KALRN: variants seen among roughly 807,000 people sequenced by gnomAD.
KALRN encodes the protein kalirin.
In KALRN, 70 loss-of-function variants were observed where a neutral mutation model predicts 353.7. The ratio of observed to expected loss-of-function variants is 0.20; its 90% CI spans 0.16 to 0.24. The LOEUF is 0.24. KALRN is among the 10% of genes least tolerant of loss of function. The pLI is 1.00. For missense variants in KALRN, 2,791 were observed against 3,756.7 expected (o/e 0.74, Z 6.72); for synonymous variants, 1,391 against 1,434.8 (o/e 0.97, Z 0.69).
At chr3:124,419,455 A>T (rs2092679401) in intron 14 of KALRN, among the ~76,000 whole-genome samples, 3 of 151,994 alleles carry the variant, frequency 2.0e-5, no homozygotes, top group Non-Finnish European at 4.4e-5. Context: ...CTCACCATTC[A>T]TAGCATACAG....
At chr3:124,171,288 A>C (rs2150113848) in intron 1 of KALRN, among the ~76,000 whole-genome samples, 1 of 152,278 alleles carries the variant, frequency 6.6e-6, no homozygotes, top group Non-Finnish European at 1.5e-5. Flanking sequence ...TCTTACCTGG[A>C]GTCACTCATG....
rs1423818281 is a variant in KALRN, at chr3:124,446,746, G to A, written c.3430-17G>A. ...AGCTGCCTTTTTGGGGACTGGATGA[G>A]TTGTTTCCTCCCATAGGCGCTTGAC... On this transcript the variant is annotated splice_polypyrimidine_tract_variant and intron_variant, in intron 20 of 59. Coordinates refer to ENST00000682506, the MANE Select transcript of KALRN (RefSeq NM_001388419.1). The A allele has an allele frequency of 6.2e-7, 1 of 1,613,850 alleles. No homozygotes were observed. Among genetic ancestry groups the A allele is most frequent in the East Asian group, 2.2e-5 (1 of 44,880 alleles).
chr3:124,389,989 A>G (rs2089093880), intron 11 of KALRN, among the ~76,000 whole-genome samples: 1 of 152,200 alleles, frequency 6.6e-6, no homozygotes, highest in South Asian at 2.1e-4. Flanking sequence ...TGTACTTGGG[A>G]CTTTCTTATA....
chr3:124,186,006 C>A (rs1207944662), intron 1 of KALRN, among the ~76,000 whole-genome samples: 2 of 152,152 alleles, frequency 1.3e-5, no homozygotes, highest in Non-Finnish European at 2.9e-5. Context: ...TTAGGAGTGG[C>A]AGAGGCATTG....
intron 1 of KALRN, among the ~76,000 whole-genome samples, chr3:124,090,949 T>A (rs2061082181): frequency 6.6e-6 from 1 of 152,198 alleles, no homozygotes; most frequent in Non-Finnish European, 1.5e-5. Context: ...GTCTAGATGA[T>A]ACTTACTTGC....
intron 1 of KALRN, among the ~76,000 whole-genome samples, chr3:124,207,763 T>C (rs1434337521): frequency 6.6e-6 from 1 of 152,220 alleles, no homozygotes; most frequent in Non-Finnish European, 1.5e-5. Flanking sequence ...GCAATATAGA[T>C]ATGCAAAGCA....
intron 1 of KALRN, among the ~76,000 whole-genome samples, chr3:124,227,321 T>G: frequency 6.6e-6 from 1 of 152,154 alleles, no homozygotes; most frequent in Admixed American, 6.5e-5. Flanking sequence ...CCCAGGAGAT[T>G]TGTATCTCCC....
chr3:124,341,096 G>T (rs759719988), intron 9 of KALRN, among the ~76,000 whole-genome samples: 6 of 152,258 alleles, frequency 3.9e-5, no homozygotes, highest in Non-Finnish European at 5.9e-5. Context: ...AAGAAAGGGG[G>T]TGATTAGGGA....
chr3:124,714,924 G>A (rs1408507940), intron 58 of KALRN, among the ~76,000 whole-genome samples: 2 of 151,304 alleles, frequency 1.3e-5, no homozygotes, highest in Admixed American at 6.6e-5. Context: ...GCTGAGGCAG[G>A]AGAATTGCTT....
intron 10 of KALRN, 79 bp from the exon 11 acceptor site, chr3:124,384,766 T>G (rs2087944819): frequency 4.3e-6 from 6 of 1,399,304 alleles, no homozygotes; most frequent in Non-Finnish European, 5.8e-6. Context: ...CCCCTCCGCT[T>G]CAGCTCCGGG....
chr3:124,506,333 C>G (rs2065224777), intron 33 of KALRN, among the ~76,000 whole-genome samples: 1 of 152,186 alleles, frequency 6.6e-6, no homozygotes, highest in Admixed American at 6.5e-5. Context: ...CCCGCCATGT[C>G]CCATGCAGAT....
intron 21 of KALRN, among the ~76,000 whole-genome samples, chr3:124,450,200 C>T (rs2058646482): frequency 1.3e-5 from 2 of 152,200 alleles, no homozygotes; most frequent in Non-Finnish European, 2.9e-5. Context: ...CACATCCTCA[C>T]CAACACTTGT....
intron 25 of KALRN, among the ~76,000 whole-genome samples, chr3:124,467,329 C>G (rs1273555438): frequency 6.6e-6 from 1 of 152,174 alleles, no homozygotes; most frequent in Non-Finnish European, 1.5e-5. Flanking sequence ...CCAAAGGTGG[C>G]TAGATTGGAG....
At position 124,694,377 on chromosome 3, in the gene KALRN, T is replaced by C. The variant is rs1052906504; in HGVS notation, c.7451T>C (p.Leu2484Pro). ...LVPLVDVTCLLGDTVILQCKV... is the reference protein window; with the variant it reads ...LVPLVDVTCLPGDTVILQCKV... ...CCCTTGGTGGATGTGACCTGCTTGC[T>C]TGGGGACACAGTGATACTGCAGTGC... The change falls in exon 53 of 60, where the codon CTT becomes CCT. Residue 2484 changes from leucine to proline, a missense_variant. Coordinates refer to ENST00000682506, the MANE Select transcript of KALRN (RefSeq NM_001388419.1). 109 of 1,614,092 alleles carry C rather than the reference T, an allele frequency of 6.8e-5. No individual in the cohort carries two copies. The highest frequency in any genetic ancestry group is 8.0e-5 in the Non-Finnish European group (94 of 1,180,034).
At chr3:124,330,024 G>A (rs372244822) in intron 8 of KALRN, 32 bp downstream of exon 8, 5 of 1,608,284 alleles carry the variant, frequency 3.1e-6, no homozygotes, top group Non-Finnish European at 4.2e-6. Flanking sequence ...CATGGTTCTT[G>A]GGCATGTCTG....
chr3:124,154,366 T>C (rs538096469), intron 1 of KALRN, among the ~76,000 whole-genome samples: 3 of 152,226 alleles, frequency 2.0e-5, no homozygotes, highest in South Asian at 4.2e-4. Flanking sequence ...AAAACCCCAT[T>C]GTCTCAGCCC....
chr3:124,664,037 A>G (rs2085236137), intron 45 of KALRN, among the ~76,000 whole-genome samples: 1 of 151,922 alleles, frequency 6.6e-6, no homozygotes, highest in African/African-American at 2.4e-5. Context: ...CAGGCTGGAG[A>G]CATTAGTGTA....
intron 25 of KALRN, among the ~76,000 whole-genome samples, chr3:124,470,766 C>T (rs1358151955): frequency 1.4e-5 from 2 of 146,486 alleles, no homozygotes; most frequent in East Asian, 5.3e-4. Context: ...TAGAGTTTTC[C>T]AAGAGTGTTC....
intron 13 of KALRN, among the ~76,000 whole-genome samples, chr3:124,399,105 A>G (rs2090530744): frequency 6.6e-6 from 1 of 151,720 alleles, no homozygotes; most frequent in Non-Finnish European, 1.5e-5. Context: ...TTTCTTGAGA[A>G]GTTTTTTTTG....
Sources: allele counts gnomAD v4.1 joint callset (sites outside exome capture counted in the v4.1 genomes callset), GRCh38; gene constraint gnomAD v4.1.1; transcripts MANE v1.5; gene names NCBI Gene and HGNC (gene_info 2026-07-23, HGNC 2026-07-21).